The following DTX1 variants were observed in gnomAD, a reference collection of about 807,000 sequenced individuals.
DTX1 encodes the protein deltex E3 ubiquitin ligase 1.
A neutral mutation model predicts 57.8 loss-of-function variants in DTX1; 26 were observed. That is an observed-to-expected ratio of 0.45 (90% CI 0.33 to 0.62). The LOEUF (loss-of-function observed/expected upper bound fraction) is 0.62. DTX1 is among the 20% of genes least tolerant of loss of function. The pLI, the probability that DTX1 is intolerant of heterozygous loss-of-function variation, is 0.02. For missense variants in DTX1, 704 were observed against 895.3 expected (o/e 0.79, Z 2.73); for synonymous variants, 398 against 394.1 (o/e 1.01, Z -0.12).
chr12:113,077,425 C>T lies in DTX1; in HGVS notation c.261C>T (p.Gly87=). ...QSMHQFRQDT[G]TMRPVRRNFY... ...GCCTCCTCCCCATTTCGAGTACAGGCACCATGCGGCCCGTGCGGCGCAACT... is the reference window on the plus strand; with the variant it reads ...GCCTCCTCCCCATTTCGAGTACAGGTACCATGCGGCCCGTGCGGCGCAACT... Residue 87 remains glycine, a splice_region_variant and synonymous_variant, in exon 3 of 10, where the codon GGC becomes GGT. Coordinates refer to ENST00000548759, the MANE Select transcript of DTX1 (RefSeq NM_004416.3). This position sits in a 1 kb window ranked among gnomAD's most constrained non-coding sequence, Gnocchi z 7.8. 2.5e-6 allele frequency: 4 copies of T among 1,602,590 alleles called. No homozygotes were observed. Among genetic ancestry groups the T allele is most frequent in the Non-Finnish European group, 3.4e-6 (4 of 1,177,190 alleles).
intron 3 of DTX1, among the ~76,000 whole-genome samples, chr12:113,090,546 G>A (rs1326383429): frequency 6.6e-6 from 1 of 152,200 alleles, no homozygotes; most frequent in Non-Finnish European, 1.5e-5. Flanking sequence ...GAGGCACAGT[G>A]CTTTCTTCCC....
At chr12:113,094,756 C>T in intron 6 of DTX1, 33 bp from the exon 7 acceptor site, 1 of 1,603,266 alleles carries the variant, frequency 6.2e-7, no homozygotes, top group East Asian at 2.2e-5. Flanking sequence ...CCTGCCCTCC[C>T]CAGTCCTCAG....
In DTX1 at chr12:113,058,346, C is replaced by T; in HGVS notation, c.154C>T (p.Leu52=). 1 of 1,613,486 alleles carries T rather than the reference C, an allele frequency of 6.2e-7. No homozygotes were observed. Among genetic ancestry groups the T allele is most frequent in the Non-Finnish European group, 8.5e-7 (1 of 1,180,028 alleles). The change falls in exon 2 of 10, where the codon CTG becomes TTG. Residue 52 remains leucine, a synonymous_variant. Coordinates refer to ENST00000548759, the MANE Select transcript of DTX1 (RefSeq NM_004416.3). ...CGTGTGCCACCACATTGAGAACGTG[C>T]TGAAGGAGGACGCTCGCGGTTCCGT... ...ATVCHHIENV[L]KEDARGSVVL... is the part of the protein sequence containing the mutation.
chr12:113,090,447 C>T (rs1950239178), intron 3 of DTX1, among the ~76,000 whole-genome samples: 1 of 152,210 alleles, frequency 6.6e-6, no homozygotes, highest in Admixed American at 6.5e-5. Context: ...GACACCTCCA[C>T]TCTCATCCCT....
intron 2 of DTX1, among the ~76,000 whole-genome samples, chr12:113,061,810 C>T (rs1301138432): frequency 5.3e-5 from 8 of 152,022 alleles, no homozygotes; most frequent in South Asian, 2.1e-4. Context: ...AAGTGATTCT[C>T]GTGCCTCAAC....
In DTX1 at chr12:113,057,977, A is replaced by C. The variant is rs2044640145; in HGVS notation, c.-216A>C. 1.5e-6 allele frequency: 1 copy of C among 680,162 alleles called. No homozygotes were observed. The highest frequency in any genetic ancestry group is 1.8e-5 in the African/African-American group (1 of 55,368). The allele number at this position is 680,162 out of a possible 1,614,324, so 42.1% of individuals were successfully genotyped here. ...TCCAGGGCAGCACCCTTTATCGGAG[A>C]AGGCTCTACAGGGAAGGGGTCTTTG... is the stretch of plus-strand genomic sequence containing the variant. On this transcript the variant is annotated 5_prime_UTR_variant, in exon 2 of 10. Transcript: ENST00000548759.
At chr12:113,065,447 C>G (rs1183645634) in intron 2 of DTX1, among the ~76,000 whole-genome samples, 4 of 152,150 alleles carry the variant, frequency 2.6e-5, no homozygotes, top group African/African-American at 7.2e-5. Flanking sequence ...CCGCGCCTTC[C>G]GGGCTGGGGG....
rs1181211570 is a variant in DTX1, at chr12:113,077,665, C to T, written c.501C>T (p.Arg167=). 6.4e-7 allele frequency: 1 copy of T among 1,572,576 alleles called. No homozygotes were observed. Among genetic ancestry groups the T allele is most frequent in the Non-Finnish European group, 8.6e-7 (1 of 1,163,470 alleles). The part of the protein sequence containing the change: ...SQMNRQTRRR[R]RLRRRLDLAY... ...TGAACCGCCAGACGCGCCGGCGCCG[C>T]CGCCTGCGCCGCCGCCTGGACCTCG... Residue 167 remains arginine, a synonymous_variant, in exon 3 of 10, where the codon CGC becomes CGT. Transcript: ENST00000548759. The surrounding 1 kb of genome is among the most constrained non-coding windows in gnomAD (Gnocchi z 7.8).
chr12:113,084,292 G>A (rs986127154), intron 3 of DTX1, among the ~76,000 whole-genome samples: 1 of 152,242 alleles, frequency 6.6e-6, no homozygotes, highest in African/African-American at 2.4e-5. Context: ...CACACTCAGA[G>A]TTTCCACCCC....
In DTX1 at chr12:113,071,794, C is replaced by T. The variant is rs535955319; in HGVS notation, c.260-5630C>T. ...GGCGGACGGATGGGCAGGCGGGCAG[C>T]GGCGGGCGCTGCGGGGTGCAGGGCC... is the stretch of plus-strand genomic sequence containing the variant. On this transcript the variant is annotated intron_variant, in intron 2 of 9. Coordinates refer to ENST00000548759, the MANE Select transcript of DTX1 (RefSeq NM_004416.3). Among the ~76,000 whole-genome samples the T allele has an allele frequency of 7.9e-5, 12 of 152,374 alleles. No homozygotes were observed. In the South Asian group the frequency reaches 8.3e-4, roughly 11 times the overall value.
chr12:113,068,968 G>A (rs191640094), intron 2 of DTX1, among the ~76,000 whole-genome samples: 1 of 152,288 alleles, frequency 6.6e-6, no homozygotes, highest in East Asian at 1.9e-4. Context: ...ACCTCTCTGT[G>A]CTTCACTCAG....
intron 3 of DTX1, among the ~76,000 whole-genome samples, chr12:113,081,373 G>T (rs185765794): frequency 2.4e-4 from 36 of 152,220 alleles, no homozygotes; most frequent in Admixed American, 7.9e-4. Context: ...TACTGTTCTA[G>T]AGGAGGCTGA....
chr12:113,072,779 C>T lies in DTX1; in HGVS notation c.260-4645C>T, dbSNP rs573594992. 4.6e-4 allele frequency among the ~76,000 whole-genome samples: 67 copies of T among 145,484 alleles called. No individual in the cohort carries two copies. The South Asian group carries it at 0.014, about 30-fold the overall frequency. On this transcript the variant is annotated intron_variant, in intron 2 of 9. Transcript: ENST00000548759. Reference sequence around the variant, plus strand: ...AGTGCAATGGTGTGATCTCAGCTCACTGCAACCTCTGCCTCCTGGGTTCAA... The same window carrying T: ...AGTGCAATGGTGTGATCTCAGCTCATTGCAACCTCTGCCTCCTGGGTTCAA...
intron 2 of DTX1, among the ~76,000 whole-genome samples, chr12:113,076,673 A>C (rs2044774191): frequency 6.6e-6 from 1 of 152,220 alleles, no homozygotes; most frequent in South Asian, 2.1e-4. Flanking sequence ...GAAAGAATCA[A>C]TGAATGAATG....
At chr12:113,081,518 G>A (rs1367245993) in intron 3 of DTX1, among the ~76,000 whole-genome samples, 1 of 152,172 alleles carries the variant, frequency 6.6e-6, no homozygotes, top group Non-Finnish European at 1.5e-5. Flanking sequence ...CAGACCTACA[G>A]CAAGCAAAGA....
In DTX1 at chr12:113,093,952, C is replaced by A; in HGVS notation, c.1166-86C>A. ...CCAACCCTTGCCAGCCTGACCCCTG[C>A]CCTCTGACCCCTGACCCAGTTCTGA... is the stretch of plus-strand genomic sequence containing the variant. On this transcript the variant is annotated intron_variant, in intron 5 of 9. Transcript: ENST00000548759. The surrounding 1 kb of genome is among the most constrained non-coding windows in gnomAD (Gnocchi z 4.2). 2.6e-6 allele frequency: 4 copies of A among 1,529,674 alleles called. No individual in the cohort carries two copies. In the South Asian group the frequency reaches 4.8e-5, roughly 18 times the overall value. The allele number at this position is 1,529,674 out of a possible 1,614,324, so 94.8% of individuals were successfully genotyped here. A position where few individuals can be genotyped will look rare whatever the true frequency, so the allele number is the denominator to read the frequency against.
chr12:113,065,323 C>T (rs1592842500), intron 2 of DTX1, among the ~76,000 whole-genome samples: 1 of 152,188 alleles, frequency 6.6e-6, no homozygotes, highest in East Asian at 1.9e-4. Flanking sequence ...CGCCTGCCGA[C>T]GCTGAGAAGA....
rs745952528 is a variant in DTX1 at position 113,096,708 on chromosome 12, C to T, written c.1639-7C>T. 26 of 1,608,484 alleles carry T rather than the reference C, an allele frequency of 1.6e-5. No homozygotes were observed. The highest frequency in any genetic ancestry group is 2.1e-5 in the Non-Finnish European group (25 of 1,178,002). On this transcript the variant is annotated splice_polypyrimidine_tract_variant and splice_region_variant and intron_variant, in intron 9 of 9. Transcript: ENST00000548759. Reference sequence around the variant, plus strand: ...CTCCCGGCCCCACTGTGTCCCTGTCCCCCCAGGTGCTGCGGCTGCTCATCA... The same window carrying T: ...CTCCCGGCCCCACTGTGTCCCTGTCTCCCCAGGTGCTGCGGCTGCTCATCA...
chr12:113,066,409 TC>T (rs1403541832), intron 2 of DTX1, among the ~76,000 whole-genome samples: 3 of 151,690 alleles, frequency 2.0e-5, no homozygotes, highest in Non-Finnish European at 2.9e-5. Flanking sequence ...GCGCCTGTAA[TC>T]CCAGCTACTC....
Sources: gnomAD v4.1 joint callset for allele counts (sites outside exome capture counted in the v4.1 genomes callset) on GRCh38, gnomAD v4.1.1 for gene constraint, Gnocchi (gnomAD v3.1) non-coding constraint, MANE v1.5 for transcripts, NCBI Gene and HGNC (gene_info 2026-07-23, HGNC 2026-07-21) for gene names.